Variants in PACSIN2 observed in about 807,000 individuals in gnomAD.
PACSIN2 encodes protein kinase C and casein kinase substrate in neurons protein 2.
A neutral mutation model predicts 63.8 loss-of-function variants in PACSIN2; 25 were observed. The ratio of observed to expected loss-of-function variants is 0.39; its 90% CI spans 0.29 to 0.55. The LOEUF (loss-of-function observed/expected upper bound fraction) is 0.55, where lower values mean the gene tolerates loss of function less well. Ranked by LOEUF, PACSIN2 falls within the 20% of genes least tolerant of loss-of-function variation. PACSIN2 has a pLI of 0.62. For missense variants in PACSIN2, 518 were observed against 646.9 expected, an observed-to-expected ratio of 0.80 and a Z score of 2.16; for synonymous variants, 255 against 256.2, an observed-to-expected ratio of 1.00 and a Z score of 0.05.
intron 1 of PACSIN2, among the ~76,000 whole-genome samples, chr22:43,006,676 A>C (rs185068797): frequency 2.0e-5 from 3 of 152,262 alleles, no homozygotes; most frequent in African/African-American, 7.2e-5. Context: ...TTAGCCCGGC[A>C]TGATGGCGCA....
intron 1 of PACSIN2, among the ~76,000 whole-genome samples, chr22:42,936,033 G>A (rs1167334793): frequency 6.6e-6 from 1 of 152,088 alleles, no homozygotes; most frequent in Non-Finnish European, 1.5e-5. Flanking sequence ...CTAACACGGT[G>A]AAACCCCGTC....
chr22:42,944,214 G>A (rs559624197), intron 1 of PACSIN2, among the ~76,000 whole-genome samples: 4 of 152,248 alleles, frequency 2.6e-5, no homozygotes, highest in Admixed American at 6.5e-5. Flanking sequence ...CTGTGGAACC[G>A]CACCCCCAGC....
At chr22:43,008,415 T>C (rs1016401558) in intron 1 of PACSIN2, among the ~76,000 whole-genome samples, 1 of 152,076 alleles carries the variant, frequency 6.6e-6, no homozygotes, top group Non-Finnish European at 1.5e-5. Flanking sequence ...CATGACCAGC[T>C]AGTTTTTATA....
chr22:42,934,907 TCTTC>T lies in PACSIN2; in HGVS notation c.-77-22754_-77-22751del, dbSNP rs1183431303. Among the ~76,000 whole-genome samples the T allele has an allele frequency of 3.1e-3, 470 of 151,436 alleles. 2 individuals are homozygous for T. Among genetic ancestry groups the T allele is most frequent in the African/African-American group, 0.011 (463 of 41,192 alleles). On this transcript the variant is annotated intron_variant, in intron 1 of 10. Transcript: ENST00000263246. ...TCTTTTCTCTTTCTTTTCTTTTCTT[TCTTC>T]CTTTTTCTTTTTCTTTTTTTTTGAG...
intron 1 of PACSIN2, among the ~76,000 whole-genome samples, chr22:42,985,225 G>A (rs1025211282): frequency 3.9e-5 from 6 of 152,232 alleles, no homozygotes; most frequent in Admixed American, 6.5e-5. Flanking sequence ...CTACTTGGGG[G>A]CTGAGGCAGA....
chr22:42,986,539 C>A (rs1371706768), intron 1 of PACSIN2, among the ~76,000 whole-genome samples: 2 of 152,184 alleles, frequency 1.3e-5, no homozygotes, highest in Admixed American at 6.5e-5. Context: ...TTCACGGAGG[C>A]CTTTTGGGGC....
intron 2 of PACSIN2, among the ~76,000 whole-genome samples, chr22:42,910,455 G>C (rs977387768): frequency 1.1e-4 from 16 of 152,156 alleles, no homozygotes; most frequent in East Asian, 1.9e-4. Flanking sequence ...AGCCTCTCTG[G>C]GGGGGCCAGC....
intron 1 of PACSIN2, among the ~76,000 whole-genome samples, chr22:42,942,503 T>A (rs1049754358): frequency 3.9e-5 from 6 of 152,178 alleles, no homozygotes; most frequent in Admixed American, 6.5e-5. Flanking sequence ...CTAATTTTTT[T>A]AAACGTTTTT....
chr22:42,960,683 C>G (rs1934100521), intron 1 of PACSIN2, among the ~76,000 whole-genome samples: 1 of 152,166 alleles, frequency 6.6e-6, no homozygotes, highest in Non-Finnish European at 1.5e-5. Context: ...AATCTACACC[C>G]TTCGAAGCCG....
At chr22:42,942,945 T>C (rs1438818142) in intron 1 of PACSIN2, among the ~76,000 whole-genome samples, 1 of 152,240 alleles carries the variant, frequency 6.6e-6, no homozygotes, top group Admixed American at 6.5e-5. Context: ...CTTTGGGATT[T>C]TGAAAGGGAC....
chr22:42,979,704 C>T (rs1161041170), intron 1 of PACSIN2, among the ~76,000 whole-genome samples: 11 of 152,196 alleles, frequency 7.2e-5, no homozygotes, highest in South Asian at 6.2e-4. Flanking sequence ...AGGCACCTGC[C>T]GCTTTCTAAC....
intron 1 of PACSIN2, among the ~76,000 whole-genome samples, chr22:42,935,582 T>G (rs937118464): frequency 1.3e-5 from 2 of 152,234 alleles, no homozygotes; most frequent in African/African-American, 4.8e-5. Flanking sequence ...TTTTCAATCT[T>G]TTGCAACACA....
chr22:42,924,861 A>C (rs1423636296), intron 1 of PACSIN2, among the ~76,000 whole-genome samples: 3 of 149,486 alleles, frequency 2.0e-5, no homozygotes, highest in African/African-American at 7.4e-5. Context: ...GGTACACGCC[A>C]TTCTCCTGCC....
chr22:43,014,101 A>G (rs1317441605), intron 1 of PACSIN2, among the ~76,000 whole-genome samples: 2 of 151,956 alleles, frequency 1.3e-5, no homozygotes, highest in African/African-American at 4.8e-5. Context: ...CAATGAATCA[A>G]TGAAATTCAA....
intron 1 of PACSIN2, among the ~76,000 whole-genome samples, chr22:42,967,312 C>A (rs1418094835): frequency 2.6e-5 from 4 of 152,148 alleles, no homozygotes; most frequent in African/African-American, 9.7e-5. Context: ...ATAGAAGATC[C>A]CAATGTTACT....
chr22:42,882,590 G>A (rs1929165541), intron 6 of PACSIN2, among the ~76,000 whole-genome samples: 1 of 152,222 alleles, frequency 6.6e-6, no homozygotes, highest in South Asian at 2.1e-4. Context: ...TGGGCTGTGT[G>A]GGCCACCACT....
Position 43,009,863 on chromosome 22 carries a change from C to CTTTTTTTTTTTTTTTTTTTTTTTTTTT in PACSIN2, c.-78+5157_-78+5158insAAAAAAAAAAAAAAAAAAAAAAAAAAA. Among the ~76,000 whole-genome samples, 2 of 131,812 alleles carry CTTTTTTTTTTTTTTTTTTTTTTTTTTT rather than the reference C, an allele frequency of 1.5e-5. 1 individual carries two copies. Among genetic ancestry groups the CTTTTTTTTTTTTTTTTTTTTTTTTTTT allele is most frequent in the African/African-American group, 5.9e-5 (2 of 34,056 alleles). The allele number at this position is 131,812 out of a possible 152,430, so 86.5% of individuals were successfully genotyped here. ...TAGTTGAGACATCATTTTATTTTTT[C>CTTTTTTTTTTTTTTTTTTTTTTTTTTT]TATTTTTTTTTTTTTTTTTTTTTGA... On this transcript the variant is annotated intron_variant, in intron 1 of 10. Transcript: ENST00000263246.
At chr22:43,003,297 G>A (rs78348017) in intron 1 of PACSIN2, among the ~76,000 whole-genome samples, 2,598 of 152,262 alleles carry the variant, frequency 0.017, 65 homozygotes, top group African/African-American at 0.058. Flanking sequence ...CAAAAGTGAT[G>A]ATTATCCCAA....
At chr22:42,937,962 C>T (rs896139117) in intron 1 of PACSIN2, among the ~76,000 whole-genome samples, 7 of 152,352 alleles carry the variant, frequency 4.6e-5, no homozygotes, top group African/African-American at 1.7e-4. Context: ...GTCTCACCTG[C>T]GCCTGCCTGG....
Sources: gnomAD v4.1 joint callset for allele counts (sites outside exome capture counted in the v4.1 genomes callset) on GRCh38, gnomAD v4.1.1 for gene constraint, MANE v1.5 for transcripts, NCBI Gene and HGNC (gene_info 2026-07-23, HGNC 2026-07-21) for gene names.